Variants in PHACTR1 observed in about 807,000 individuals in gnomAD.
PHACTR1 encodes the protein phosphatase and actin regulator 1.
Under a neutral mutation model 69.2 loss-of-function variants are expected in PHACTR1, and 16 were observed. The ratio of observed to expected loss-of-function variants is 0.23; its 90% CI spans 0.16 to 0.35. PHACTR1 has a LOEUF of 0.35. PHACTR1 is among the 10% of genes least tolerant of loss of function. The pLI, the probability that PHACTR1 is intolerant of heterozygous loss-of-function variation, is 1.00. For synonymous variants in PHACTR1, 312 were observed against 284.5 expected, an observed-to-expected ratio of 1.10 and a Z score of -0.97; for missense variants, 510 against 734.7, an observed-to-expected ratio of 0.69 and a Z score of 3.54.
chr6:12,912,030 C>T (rs928502898), intron 4 of PHACTR1, among the ~76,000 whole-genome samples: 2 of 152,180 alleles, frequency 1.3e-5, no homozygotes, highest in Non-Finnish European at 2.9e-5. Flanking sequence ...CGGAATCTCG[C>T]TCTGTCACCC....
intron 6 of PHACTR1, among the ~76,000 whole-genome samples, chr6:13,170,329 ATGT>A (rs1263404551): frequency 6.6e-6 from 1 of 152,156 alleles, no homozygotes; most frequent in Non-Finnish European, 1.5e-5. Context: ...CTGCTGCATG[ATGT>A]AAATTCATAT....
At chr6:13,130,696 A>G (rs895766607) in intron 5 of PHACTR1, among the ~76,000 whole-genome samples, 6 of 152,218 alleles carry the variant, frequency 3.9e-5, no homozygotes, top group Non-Finnish European at 7.4e-5. Context: ...GTCCAGGACC[A>G]GATGGATTCA....
At chr6:12,834,405 C>T (rs1777928099) in intron 4 of PHACTR1, among the ~76,000 whole-genome samples, 1 of 152,144 alleles carries the variant, frequency 6.6e-6, no homozygotes. Context: ...TCTAGGTTGA[C>T]ATTTCTGCAG....
intron 5 of PHACTR1, among the ~76,000 whole-genome samples, chr6:13,094,430 G>A (rs929266028): frequency 6.6e-6 from 1 of 152,018 alleles, no homozygotes; most frequent in Non-Finnish European, 1.5e-5. Context: ...GAGTAGCTGG[G>A]ATTACAGGTG....
intron 6 of PHACTR1, among the ~76,000 whole-genome samples, chr6:13,175,646 C>T (rs544620312): frequency 1.3e-5 from 2 of 152,280 alleles, no homozygotes; most frequent in South Asian, 4.2e-4. Context: ...GTGCCTCCTT[C>T]GATTTCTTTT....
chr6:13,112,969 A>G (rs921709569), intron 5 of PHACTR1, among the ~76,000 whole-genome samples: 1 of 152,062 alleles, frequency 6.6e-6, no homozygotes, highest in Non-Finnish European at 1.5e-5. Context: ...TGAGAATGGT[A>G]TTACCTAGGT....
intron 12 of PHACTR1, chr6:13,279,771 C>G (rs1036641718): frequency 6.6e-6 from 1 of 152,248 alleles, no homozygotes; most frequent in Non-Finnish European, 1.5e-5. Flanking sequence ...CTTAAGCCCA[C>G]CCACTCTTTG....
intron 4 of PHACTR1, among the ~76,000 whole-genome samples, chr6:12,923,535 C>A (rs62386818): frequency 0.31 from 46,968 of 152,036 alleles, 7,690 homozygotes; most frequent in Middle Eastern, 0.38. Context: ...TTTTGAGAAC[C>A]CCCTCCATTT....
At chr6:13,005,380 G>C (rs1582925124) in intron 4 of PHACTR1, among the ~76,000 whole-genome samples, 1 of 151,988 alleles carries the variant, frequency 6.6e-6, no homozygotes, top group East Asian at 1.9e-4. Flanking sequence ...ACATATTGCT[G>C]TCCTACCCTT....
chr6:12,816,064 A>G (rs1378386337), intron 4 of PHACTR1, among the ~76,000 whole-genome samples: 2 of 152,232 alleles, frequency 1.3e-5, no homozygotes, highest in Non-Finnish European at 2.9e-5. Flanking sequence ...AGAAGCAAAC[A>G]ACAGTTGCAC....
Position 13,283,361 on chromosome 6 carries a change from G to T in PHACTR1, c.1510-61G>T. ...TTCCACACCTGCAAGTTCACAGACA[G>T]GACCAAGTGCCATGGTCAACCCTTC... On this transcript the variant is annotated intron_variant, in intron 12 of 14. Coordinates refer to ENST00000332995, the MANE Select transcript of PHACTR1 (RefSeq NM_030948.6). This position sits in a 1 kb window ranked among gnomAD's most constrained non-coding sequence, Gnocchi z 4.7. 6.7e-7 allele frequency: 1 copy of T among 1,503,680 alleles called. No homozygotes were observed. Among genetic ancestry groups the T allele is most frequent in the South Asian group, 1.1e-5 (1 of 88,250 alleles). 93.1% of individuals were successfully genotyped at this position (1,503,680 alleles called of 1,614,324 possible).
At chr6:13,135,942 T>A (rs1030386127) in intron 5 of PHACTR1, among the ~76,000 whole-genome samples, 2 of 152,008 alleles carry the variant, frequency 1.3e-5, no homozygotes, top group African/African-American at 4.8e-5. Flanking sequence ...AAGCAAATAG[T>A]GGAGGAAAAA....
chr6:13,193,646 C>A (rs924424510), intron 7 of PHACTR1, among the ~76,000 whole-genome samples: 2 of 150,620 alleles, frequency 1.3e-5, no homozygotes, highest in Non-Finnish European at 3.0e-5. Context: ...CCTCAGCCTC[C>A]CAAGTAACTG....
At chr6:12,831,720 AC>A (rs1777606774) in intron 4 of PHACTR1, among the ~76,000 whole-genome samples, 1 of 152,188 alleles carries the variant, frequency 6.6e-6, no homozygotes, top group African/African-American at 2.4e-5. Context: ...TAATGCTCAT[AC>A]AGTAATGACT....
chr6:13,262,455 A>G (rs753366174), intron 10 of PHACTR1, among the ~76,000 whole-genome samples: 2 of 152,170 alleles, frequency 1.3e-5, no homozygotes, highest in Non-Finnish European at 2.9e-5. Context: ...TATTGATGCT[A>G]TTGGAAGTCA....
rs150073761 is a variant in PHACTR1 at position 12,948,246 on chromosome 6, C to G, written c.251-105119C>G. Among the ~76,000 whole-genome samples the G allele has an allele frequency of 6.8e-3, 1,034 of 152,252 alleles. 7 individuals carry two copies. The highest frequency in any genetic ancestry group is 0.021 in the African/African-American group (862 of 41,540). ...GGTGTTGGTAAGCTGTACAGAGCCC[C>G]TGAGATTATTTGGATTGTTTGAAAC... On this transcript the variant is annotated intron_variant, in intron 4 of 14. Transcript: ENST00000332995.
At chr6:13,106,097 A>G (rs1280051395) in intron 5 of PHACTR1, among the ~76,000 whole-genome samples, 2 of 152,204 alleles carry the variant, frequency 1.3e-5, no homozygotes, top group Non-Finnish European at 2.9e-5. Flanking sequence ...GAAGTAGGAT[A>G]TGATTGCTGT....
chr6:13,010,807 T>C (rs900683628), intron 4 of PHACTR1, among the ~76,000 whole-genome samples: 1 of 150,988 alleles, frequency 6.6e-6, no homozygotes, highest in African/African-American at 2.4e-5. Flanking sequence ...CTCATTTAGA[T>C]CAACTTGGTT....
At position 13,117,884 on chromosome 6, in the gene PHACTR1, C is replaced by T. The variant is rs1304120524; in HGVS notation, c.416-42320C>T. On this transcript the variant is annotated intron_variant, in intron 5 of 14. Coordinates refer to ENST00000332995, the MANE Select transcript of PHACTR1 (RefSeq NM_030948.6). Reference sequence around the variant, plus strand: ...CAGAGCTCTGCAGGTGCTAAGCATGCAACAGACGTCTCACATAAATGAGTG... The same window carrying T: ...CAGAGCTCTGCAGGTGCTAAGCATGTAACAGACGTCTCACATAAATGAGTG... Among the ~76,000 whole-genome samples the T allele has an allele frequency of 2.0e-5, 3 of 152,192 alleles. No individual in the cohort carries two copies. In the East Asian group the frequency reaches 5.8e-4, roughly 29 times the overall value.
Sources: allele counts gnomAD v4.1 joint callset (sites outside exome capture counted in the v4.1 genomes callset), GRCh38; gene constraint gnomAD v4.1.1; non-coding constraint Gnocchi (gnomAD v3.1); transcripts MANE v1.5; gene names NCBI Gene and HGNC (gene_info 2026-07-23, HGNC 2026-07-21).